The following EIF2AK3 variants were observed in gnomAD, a reference collection of about 807,000 sequenced individuals.
The protein encoded by EIF2AK3 is eukaryotic translation initiation factor 2 alpha kinase 3.
A neutral mutation model predicts 113.5 loss-of-function variants in EIF2AK3; 50 were observed. That is an observed-to-expected ratio of 0.44 (90% confidence interval 0.35 to 0.56). The LOEUF (loss-of-function observed/expected upper bound fraction) is 0.56, where lower values mean the gene tolerates loss of function less well. Among genes scored for constraint, EIF2AK3 ranks in the 20% least tolerant of loss-of-function variants. The pLI, the probability that EIF2AK3 is intolerant of heterozygous loss-of-function variation, is 0.00. For synonymous variants in EIF2AK3, 448 were observed against 495.4 expected, an observed-to-expected ratio of 0.90 and a Z score of 1.27; for missense variants, 1,185 against 1,378.0, an observed-to-expected ratio of 0.86 and a Z score of 2.22.
At chr2:88,622,017 C>A (rs1243112090) in intron 1 of EIF2AK3, among the ~76,000 whole-genome samples, 1 of 151,732 alleles carries the variant, frequency 6.6e-6, no homozygotes, top group Admixed American at 6.6e-5. Context: ...CTGCCTCAGC[C>A]TCCTGAGTAG....
intron 2 of EIF2AK3, among the ~76,000 whole-genome samples, chr2:88,599,880 A>G (rs2104450923): frequency 6.6e-6 from 1 of 152,282 alleles, no homozygotes; most frequent in Non-Finnish European, 1.5e-5. Flanking sequence ...TGCAACTCCA[A>G]AAGTAAAACC....
chr2:88,571,246 A>C lies in EIF2AK3; in HGVS notation c.2818-205T>G, dbSNP rs1396120813. 3.3e-5 allele frequency among the ~76,000 whole-genome samples: 5 copies of C among 152,364 alleles called. No homozygotes were observed. In the South Asian group the frequency reaches 8.3e-4, roughly 25 times the overall value. On this transcript the variant is annotated intron_variant, in intron 13 of 16. Coordinates refer to ENST00000303236, the MANE Select transcript of EIF2AK3 (RefSeq NM_004836.7). Reference sequence around the variant, plus strand: ...CTAGTAAAGAAAAGGGAAGGGTAGCAAAGAGTGCTAGTATTTATTGAACAT... The same window carrying C: ...CTAGTAAAGAAAAGGGAAGGGTAGCCAAGAGTGCTAGTATTTATTGAACAT...
At chr2:88,573,535 C>T (rs950996101) in intron 13 of EIF2AK3, among the ~76,000 whole-genome samples, 3 of 152,180 alleles carry the variant, frequency 2.0e-5, no homozygotes, top group Non-Finnish European at 4.4e-5. Context: ...AAACTGTCTT[C>T]TCCAATCCAA....
rs1395870631 is a variant in EIF2AK3 at position 88,595,222 on chromosome 2, A to AG, written c.633+246_633+247insC. Among the ~76,000 whole-genome samples, 3 of 151,320 alleles carry AG rather than the reference A, an allele frequency of 2.0e-5. No homozygotes were observed. In the East Asian group the frequency reaches 5.8e-4, roughly 29 times the overall value. On this transcript the variant is annotated intron_variant, in intron 3 of 16. Coordinates refer to ENST00000303236, the MANE Select transcript of EIF2AK3 (RefSeq NM_004836.7). ...ACTCTGTCTCAAAAAAAAAAAAAAA[A>AG]AAAAAAACACCTGAGACACAGTAGA...
intron 10 of EIF2AK3, 120 bp from the exon 11 acceptor site, chr2:88,579,760 A>G: frequency 1.1e-6 from 1 of 911,340 alleles, no homozygotes; most frequent in Non-Finnish European, 1.7e-6. Context: ...TCATCTTAAT[A>G]AATAGTATAT....
At position 88,590,929 on chromosome 2, in the gene EIF2AK3, A is replaced by G; in HGVS notation, c.891T>C (p.Asp297=). ...TTATGGCAGCTTCCTGTTCTTCCACATCTGAAATAATTTTAGACTCTTCTG... is the reference window on the plus strand; with the variant it reads ...TTATGGCAGCTTCCTGTTCTTCCACGTCTGAAATAATTTTAGACTCTTCTG... ...ENTEESKIIS[D]VEEQEAAIMD... Residue 297 remains aspartate (D), a synonymous_variant, in exon 5 of 17, where the codon GAT becomes GAC. Transcript: ENST00000303236. 2.5e-6 allele frequency: 4 copies of G among 1,614,076 alleles called. No homozygotes were observed. Among genetic ancestry groups the G allele is most frequent in the Non-Finnish European group, 2.5e-6 (3 of 1,179,980 alleles).
intron 2 of EIF2AK3, among the ~76,000 whole-genome samples, chr2:88,596,821 C>T (rs1373725110): frequency 6.6e-6 from 1 of 152,156 alleles, no homozygotes; most frequent in East Asian, 1.9e-4. Context: ...ATGGTGGATT[C>T]TCTTTATGGC....
intron 8 of EIF2AK3, among the ~76,000 whole-genome samples, chr2:88,586,453 T>G (rs1458325849): frequency 6.6e-6 from 1 of 152,124 alleles, no homozygotes; most frequent in Non-Finnish European, 1.5e-5. Context: ...CAATCATTCT[T>G]CACAAAATGA....
At position 88,588,745 on chromosome 2, in the gene EIF2AK3, T is replaced by C. The variant is rs768102560; in HGVS notation, c.1306+16A>G. The C allele has an allele frequency of 6.2e-7, 1 of 1,613,526 alleles. No individual in the cohort carries two copies. Among genetic ancestry groups the C allele is most frequent in the Non-Finnish European group, 8.5e-7 (1 of 1,179,694 alleles). The stretch of plus-strand genomic sequence containing the variant: ...TGAACACTAACAGTATTTAGAAAAG[T>C]TTACAATTCACTTACGAATTAAGGG... On this transcript the variant is annotated intron_variant, in intron 7 of 16. Transcript: ENST00000303236.
intron 13 of EIF2AK3, 119 bp downstream of exon 13, chr2:88,574,547 G>A (rs1300495863): frequency 7.9e-7 from 1 of 1,271,088 alleles, no homozygotes; most frequent in African/African-American, 1.5e-5. Context: ...TCAGACCTCT[G>A]CTCTCAGATG....
chr2:88,601,886 C>T lies in EIF2AK3; in HGVS notation c.439-6223G>A, dbSNP rs1205257831. ...TCTTTTTTTGAGATGGGGTCTTGCT[C>T]TGTCACCCAGGCTGGAGTGTAGTGG... On this transcript the variant is annotated intron_variant, in intron 2 of 16. Transcript: ENST00000303236. Among the ~76,000 whole-genome samples, 4 of 111,704 alleles carry T rather than the reference C, an allele frequency of 3.6e-5. No individual in the cohort carries two copies. In the South Asian group the frequency reaches 9.2e-4, roughly 26 times the overall value. 73.3% of individuals were successfully genotyped at this position (111,704 alleles called of 152,430 possible).
chr2:88,607,442 A>C (rs571194124), intron 2 of EIF2AK3, among the ~76,000 whole-genome samples: 1 of 152,328 alleles, frequency 6.6e-6, no homozygotes, highest in Admixed American at 6.5e-5. Flanking sequence ...TAGGTGCATT[A>C]TTTATTCTAA....
intron 9 of EIF2AK3, among the ~76,000 whole-genome samples, chr2:88,584,378 G>A (rs1674667271): frequency 6.6e-6 from 1 of 151,992 alleles, no homozygotes; most frequent in Non-Finnish European, 1.5e-5. Flanking sequence ...TTAGCTGGGT[G>A]TGGTGGTATA....
Position 88,590,833 on chromosome 2 carries a change from C to G in EIF2AK3, c.987G>C (p.Leu329=), listed in dbSNP as rs756131853. The change falls in exon 5 of 17, where the codon CTG becomes CTC. Residue 329 remains leucine, a synonymous_variant. Transcript: ENST00000303236. ...VMAFSKKGGH[L]EWEYQFCTPI... The stretch of plus-strand genomic sequence containing the variant: ...TGTTAGGTACCTGGTACTCCCATTC[C>G]AGATGTCCTCCCTTCTTACTGAATG... The G allele has an allele frequency of 1.1e-5, 18 of 1,614,066 alleles. No homozygotes were observed. The highest frequency in any genetic ancestry group is 1.4e-5 in the Non-Finnish European group (16 of 1,179,958).
At position 88,574,942 on chromosome 2, in the gene EIF2AK3, A is replaced by T. The variant is rs1277663913; in HGVS notation, c.2541T>A (p.Ser847=). The stretch of plus-strand genomic sequence containing the variant: ...AAATAGACAATGTAGCTTCAGAAGA[A>T]GATTTGCTACTGGTGGGCTTGAAAG... ...LTAFKPTSSK[S]SSEATLSISP... The change falls in exon 13 of 17, where the codon TCT becomes TCA. Residue 847 remains serine (S), a synonymous_variant. Transcript: ENST00000303236. 1.9e-6 allele frequency: 3 copies of T among 1,614,102 alleles called. No individual in the cohort carries two copies. The highest frequency in any genetic ancestry group is 1.7e-5 in the Admixed American group (1 of 60,008).
At chr2:88,569,687 CAAAGTACAAAATGGACCAAGGGATGTTA>C (rs975221141) in intron 14 of EIF2AK3, among the ~76,000 whole-genome samples, 4 of 152,088 alleles carry the variant, frequency 2.6e-5, no homozygotes, top group African/African-American at 9.7e-5. Flanking sequence ...AAGATCCATT[CAAAGTACAAAATGGACCAAGGGATGTTA>C]AAAGTACCAG....
In EIF2AK3 at chr2:88,557,512, A is replaced by G. The variant is rs1285793927; in HGVS notation, c.*224T>C. The stretch of plus-strand genomic sequence containing the variant: ...GGCCAGCAGCCAGTTTCAAGAGACT[A>G]ACAAAGAACAAAGATAGCCCTTTCC... On this transcript the variant is annotated 3_prime_UTR_variant, in exon 17 of 17. Coordinates refer to ENST00000303236, the MANE Select transcript of EIF2AK3 (RefSeq NM_004836.7). The G allele has an allele frequency of 7.0e-6, 4 of 575,216 alleles. No homozygotes were observed. Among genetic ancestry groups the G allele is most frequent in the Non-Finnish European group, 3.1e-6 (1 of 323,948 alleles). 35.6% of individuals were successfully genotyped at this position (575,216 alleles called of 1,614,324 possible).
chr2:88,617,644 C>A (rs1675618062), intron 1 of EIF2AK3, among the ~76,000 whole-genome samples: 1 of 151,786 alleles, frequency 6.6e-6, no homozygotes, highest in African/African-American at 2.4e-5. Flanking sequence ...GTAGTCCCAC[C>A]TACTCAGGAG....
chr2:88,616,304 CCTCAA>C (rs1675567988), intron 1 of EIF2AK3, among the ~76,000 whole-genome samples: 1 of 152,158 alleles, frequency 6.6e-6, no homozygotes, highest in African/African-American at 2.4e-5. Context: ...AGACAGACCC[CCTCAA>C]CTCTTCAAAT....
Sources: allele counts gnomAD v4.1 joint callset (sites outside exome capture counted in the v4.1 genomes callset), GRCh38; gene constraint gnomAD v4.1.1; transcripts MANE v1.5; gene names NCBI Gene and HGNC (gene_info 2026-07-23, HGNC 2026-07-21).